ERC2: variants seen among roughly 807,000 people sequenced by gnomAD.
ERC2 encodes ERC protein 2.
ERC2 carries 42 observed loss-of-function variants against 114.8 expected under a neutral mutation model. That is an observed-to-expected ratio of 0.37 (90% CI 0.29 to 0.47). ERC2 has a LOEUF of 0.47. Ranked by LOEUF, ERC2 falls within the 20% of genes least tolerant of loss-of-function variation. The pLI is 0.99. For synonymous variants in ERC2, 454 were observed against 425.5 expected (o/e 1.07, Z -0.82); for missense variants, 939 against 1,150.7 (o/e 0.82, Z 2.66).
At chr3:55,863,678 C>T (rs972002782) in intron 14 of ERC2, among the ~76,000 whole-genome samples, 31 of 152,070 alleles carry the variant, frequency 2.0e-4, no homozygotes, top group African/African-American at 7.2e-4. Flanking sequence ...AGAAATACAG[C>T]ACAAACCAGA....
At chr3:55,870,547 T>G (rs1575945296) in intron 14 of ERC2, among the ~76,000 whole-genome samples, 1 of 152,284 alleles carries the variant, frequency 6.6e-6, no homozygotes, top group African/African-American at 2.4e-5. Flanking sequence ...GAATGTGATT[T>G]ACACACTTGG....
intron 2 of ERC2, among the ~76,000 whole-genome samples, chr3:56,296,780 T>C (rs2055470804): frequency 6.6e-6 from 1 of 152,218 alleles, no homozygotes; most frequent in African/African-American, 2.4e-5. Context: ...ACACCTTCTT[T>C]ATGCCCAGAA....
At chr3:56,285,581 G>C (rs532923284) in intron 3 of ERC2, among the ~76,000 whole-genome samples, 1 of 152,198 alleles carries the variant, frequency 6.6e-6, no homozygotes, top group East Asian at 1.9e-4. Flanking sequence ...AAACAGATGC[G>C]AGAGATCTGA....
chr3:56,089,531 C>T (rs1253132214), intron 6 of ERC2, among the ~76,000 whole-genome samples: 1 of 151,794 alleles, frequency 6.6e-6, no homozygotes, highest in Non-Finnish European at 1.5e-5. Flanking sequence ...AACCTGTAAT[C>T]AATATGAAAA....
At chr3:56,359,332 C>G (rs1432993873) in intron 2 of ERC2, among the ~76,000 whole-genome samples, 1 of 152,086 alleles carries the variant, frequency 6.6e-6, no homozygotes, top group Admixed American at 6.5e-5. Flanking sequence ...GAAATAAGAT[C>G]AGGAAGAAAA....
chr3:55,598,725 A>G (rs1294180751), intron 17 of ERC2, among the ~76,000 whole-genome samples: 1 of 152,236 alleles, frequency 6.6e-6, no homozygotes, highest in Non-Finnish European at 1.5e-5. Context: ...ATCCTGGCCA[A>G]TGCCAGATGT....
chr3:55,670,412 C>G (rs1281461563), intron 17 of ERC2, among the ~76,000 whole-genome samples: 1 of 152,156 alleles, frequency 6.6e-6, no homozygotes, highest in African/African-American at 2.4e-5. Flanking sequence ...CTTCACGATT[C>G]TTAAAGAAAT....
Position 56,180,274 on chromosome 3 carries a change from G to T in ERC2, c.1075-6754C>A, listed in dbSNP as rs187186176. ...AACTAGCATGTGCTGTGGAAGAACA[G>T]GAGGAGAGAAAACCCTCAGGTTACT... On this transcript the variant is annotated intron_variant, in intron 3 of 17. Coordinates refer to ENST00000288221, the MANE Select transcript of ERC2 (RefSeq NM_015576.3). 4.1e-4 allele frequency among the ~76,000 whole-genome samples: 62 copies of T among 152,256 alleles called. 1 individual carries two copies. In the East Asian group the frequency reaches 0.011, roughly 27 times the overall value.
chr3:55,783,294 C>A (rs980224576), intron 14 of ERC2, among the ~76,000 whole-genome samples: 7 of 152,204 alleles, frequency 4.6e-5, no homozygotes, highest in Admixed American at 1.3e-4. Flanking sequence ...GGCCCAGTAA[C>A]CAGCCTGGGC....
At chr3:55,551,900 G>T (rs916716928) in intron 17 of ERC2, among the ~76,000 whole-genome samples, 2 of 152,228 alleles carry the variant, frequency 1.3e-5, no homozygotes, top group Non-Finnish European at 2.9e-5. Context: ...CCATCACTCA[G>T]ATTCAGCCAT....
Position 56,390,202 on chromosome 3 carries a change from C to T in ERC2, c.657+44149G>A, listed in dbSNP as rs968751684. ...TAGCTTTTCCATCAGCTTTTCCATC[C>T]ACTATATTTTACACTGCATAAAATA... On this transcript the variant is annotated intron_variant, in intron 2 of 17. Transcript: ENST00000288221. Among the ~76,000 whole-genome samples, 6 of 152,214 alleles carry T rather than the reference C, an allele frequency of 3.9e-5. No individual in the cohort carries two copies. The East Asian group carries it at 1.2e-3, about 29-fold the overall frequency.
chr3:56,235,278 C>T (rs752965207), intron 3 of ERC2, among the ~76,000 whole-genome samples: 5 of 152,158 alleles, frequency 3.3e-5, no homozygotes, highest in Non-Finnish European at 7.3e-5. Flanking sequence ...GGCCCCTGTC[C>T]ACATGAAGCT....
intron 1 of ERC2, among the ~76,000 whole-genome samples, chr3:56,467,738 A>T (rs1414124386): frequency 4.0e-5 from 6 of 151,848 alleles, no homozygotes; most frequent in Non-Finnish European, 8.8e-5. Flanking sequence ...TTTAAAAAAA[A>T]ATATGCTCCC....
At chr3:56,101,582 C>A (rs1023385612) in intron 6 of ERC2, among the ~76,000 whole-genome samples, 12 of 152,178 alleles carry the variant, frequency 7.9e-5, no homozygotes, top group Non-Finnish European at 1.3e-4. Flanking sequence ...CATGGCCCCA[C>A]ATCCACCGAA....
chr3:55,634,907 G>A (rs1216386550), intron 17 of ERC2, among the ~76,000 whole-genome samples: 6 of 145,806 alleles, frequency 4.1e-5, no homozygotes, highest in East Asian at 4.0e-4. Context: ...TTTTTTTGAC[G>A]AGTCTCACTC....
chr3:55,991,385 T>C (rs78295707), intron 11 of ERC2, among the ~76,000 whole-genome samples: 1 of 152,222 alleles, frequency 6.6e-6, no homozygotes, highest in African/African-American at 2.4e-5. Context: ...GGAAAAGACA[T>C]TGATAGCAAG....
intron 17 of ERC2, among the ~76,000 whole-genome samples, chr3:55,564,547 C>G (rs1159004888): frequency 6.6e-6 from 1 of 152,188 alleles, no homozygotes; most frequent in Non-Finnish European, 1.5e-5. Context: ...TGCCAGCTGT[C>G]CACTCCACTA....
At chr3:55,734,314 G>T (rs1328836928) in intron 15 of ERC2, among the ~76,000 whole-genome samples, 1 of 152,174 alleles carries the variant, frequency 6.6e-6, no homozygotes, top group Non-Finnish European at 1.5e-5. Flanking sequence ...AATAGTCAAA[G>T]AACTAAAGTT....
At chr3:56,183,716 G>C (rs1481862924) in intron 3 of ERC2, among the ~76,000 whole-genome samples, 1 of 152,122 alleles carries the variant, frequency 6.6e-6, no homozygotes, top group Non-Finnish European at 1.5e-5. Flanking sequence ...TTATGTTCTA[G>C]TGCATGCATT....
Sources: allele counts gnomAD v4.1 joint callset (sites outside exome capture counted in the v4.1 genomes callset), GRCh38; gene constraint gnomAD v4.1.1; transcripts MANE v1.5; gene names NCBI Gene and HGNC (gene_info 2026-07-23, HGNC 2026-07-21).